Variants in P2RY8 observed in about 807,000 individuals in gnomAD.
P2RY8 encodes the protein S-geranylgeranyl-glutathione receptor P2RY8.
A neutral mutation model predicts 10.0 loss-of-function variants in P2RY8; 6 were observed. The ratio of observed to expected loss-of-function variants is 0.60; its 90% CI spans 0.33 to 1.19. The LOEUF (loss-of-function observed/expected upper bound fraction) is 1.19. Ranked by LOEUF, P2RY8 falls within the 50% of genes most tolerant of loss-of-function variation. The probability of loss-of-function intolerance (pLI) is 0.04; values close to 1 mark genes in which losing one functional copy is unlikely to be tolerated. For synonymous variants in P2RY8, 276 were observed against 252.5 expected, an observed-to-expected ratio of 1.09 and a Z score of -0.88; for missense variants, 456 against 542.0, an observed-to-expected ratio of 0.84 and a Z score of 1.58.
chrX:1,496,146 G>A (rs183206919), intron 1 of P2RY8, among the ~76,000 whole-genome samples: 552 of 152,286 alleles, frequency 3.6e-3, no homozygotes, highest in Non-Finnish European at 5.5e-3. Flanking sequence ...GAAGGCAGAC[G>A]TCAGAGATGC....
rs2091668610 is a variant in P2RY8, at chrX:1,466,015, T to G, written c.544A>C (p.Thr182Pro). The change falls in exon 2 of 2, where the codon ACG (threonine) becomes CCG (proline). Residue 182 changes from threonine (T) to proline (P), a missense_variant. Coordinates refer to ENST00000381297, the MANE Select transcript of P2RY8 (RefSeq NM_178129.5). Reference protein sequence around the residue: ...IITCFDVLKWTMLPSVAMWAV... With the variant: ...IITCFDVLKWPMLPSVAMWAV... Reference sequence around the variant, plus strand: ...CACATGGCCACGCTGGGGAGCATCGTCCACTTGAGGACGTCGAAGCAGGTG... The same window carrying G: ...CACATGGCCACGCTGGGGAGCATCGGCCACTTGAGGACGTCGAAGCAGGTG... 3.7e-6 allele frequency: 6 copies of G among 1,612,076 alleles called. No homozygotes were observed. Among genetic ancestry groups the G allele is most frequent in the Non-Finnish European group, 5.1e-6 (6 of 1,179,746 alleles).
At chrX:1,467,045 T>G (rs2091694505) in intron 1 of P2RY8, among the ~76,000 whole-genome samples, 1 of 130,514 alleles carries the variant, frequency 7.7e-6, no homozygotes, top group African/African-American at 2.9e-5. Context: ...AGACTCAGTG[T>G]CCCCCGTGGA....
In P2RY8 at chrX:1,526,816, C is replaced by T. The variant is rs138849649; in HGVS notation, c.-25+10105G>A. ...GTTTATTCATGCATCGATGAATTCA[C>T]TCATTCATTTACCCACGCATTCATT... On this transcript the variant is annotated intron_variant, in intron 1 of 1. Transcript: ENST00000381297. Among the ~76,000 whole-genome samples the T allele has an allele frequency of 2.7e-3, 411 of 152,314 alleles. 1 individual carries two copies. Among genetic ancestry groups the T allele is most frequent in the Non-Finnish European group, 3.0e-3 (201 of 68,038 alleles).
At chrX:1,488,760 G>GTT (rs1207937580) in intron 1 of P2RY8, among the ~76,000 whole-genome samples, 1 of 151,954 alleles carries the variant, frequency 6.6e-6, no homozygotes, top group Non-Finnish European at 1.5e-5. Flanking sequence ...GTGTGTGTGT[G>GTT]TGTGATACAG....
chrX:1,479,759 A>G (rs1406621306), intron 1 of P2RY8, among the ~76,000 whole-genome samples: 5 of 152,190 alleles, frequency 3.3e-5, no homozygotes, highest in African/African-American at 1.2e-4. Context: ...TCAGGCTAAC[A>G]ACAACAAAGA....
At chrX:1,489,104 C>T (rs770200917) in intron 1 of P2RY8, among the ~76,000 whole-genome samples, 1 of 151,876 alleles carries the variant, frequency 6.6e-6, no homozygotes, top group Non-Finnish European at 1.5e-5. Context: ...ACCCAAGATT[C>T]TCTTCTGCAA....
At chrX:1,482,487 G>A (rs1275064141) in intron 1 of P2RY8, among the ~76,000 whole-genome samples, 3 of 152,088 alleles carry the variant, frequency 2.0e-5, no homozygotes, top group Non-Finnish European at 4.4e-5. Flanking sequence ...AAGGTTCGCA[G>A]GCTTGACTTC....
chrX:1,476,555 C>A (rs1481334095), intron 1 of P2RY8, among the ~76,000 whole-genome samples: 48 of 151,212 alleles, frequency 3.2e-4, no homozygotes, highest in Non-Finnish European at 6.5e-4. Context: ...CCACTGCACT[C>A]CAGCCTGGGT....
At chrX:1,510,921 G>A (rs1438893423) in intron 1 of P2RY8, among the ~76,000 whole-genome samples, 1 of 150,986 alleles carries the variant, frequency 6.6e-6, no homozygotes, top group Non-Finnish European at 1.5e-5. Context: ...GCTCCCGCCT[G>A]TAATCCCAAC....
At chrX:1,494,695 A>G (rs1237230879) in intron 1 of P2RY8, among the ~76,000 whole-genome samples, 1 of 151,996 alleles carries the variant, frequency 6.6e-6, no homozygotes, top group African/African-American at 2.4e-5. Context: ...AAAAATATGT[A>G]TGTCCATAGT....
At chrX:1,497,879 C>G (rs1431277183) in intron 1 of P2RY8, among the ~76,000 whole-genome samples, 96 of 151,978 alleles carry the variant, frequency 6.3e-4, no homozygotes, top group Non-Finnish European at 1.2e-3. Flanking sequence ...CGGGTCCTTG[C>G]CATCCAGGAA....
chrX:1,488,548 G>A (rs1297616064), intron 1 of P2RY8, among the ~76,000 whole-genome samples: 1 of 152,034 alleles, frequency 6.6e-6, no homozygotes, highest in Non-Finnish European at 1.5e-5. Flanking sequence ...CTCCTTCTTG[G>A]GGCATCAGCC....
intron 1 of P2RY8, among the ~76,000 whole-genome samples, chrX:1,522,269 TA>T (rs764412129): frequency 9.4e-4 from 136 of 145,210 alleles, no homozygotes; most frequent in South Asian, 1.7e-3. Flanking sequence ...TTTTCTCGCT[TA>T]AAAAAAAAAA....
chrX:1,491,934 G>A (rs1360280914), intron 1 of P2RY8, among the ~76,000 whole-genome samples: 1 of 152,222 alleles, frequency 6.6e-6, no homozygotes, highest in Non-Finnish European at 1.5e-5. Context: ...GAGTGAATGA[G>A]TGATGGAATG....
At chrX:1,506,554 G>A (rs1422445174) in intron 1 of P2RY8, among the ~76,000 whole-genome samples, 1 of 152,094 alleles carries the variant, frequency 6.6e-6, no homozygotes, top group Non-Finnish European at 1.5e-5. Flanking sequence ...GAGAGAGAGA[G>A]GTGTTTGGAT....
chrX:1,472,432 G>GTGGATGGA (rs372621992), intron 1 of P2RY8, among the ~76,000 whole-genome samples: 1 of 140,322 alleles, frequency 7.1e-6, no homozygotes, highest in African/African-American at 2.7e-5. Context: ...ACATGGGTGG[G>GTGGATGGA]TGGATGGATG....
At chrX:1,478,334 T>C (rs1185727451) in intron 1 of P2RY8, among the ~76,000 whole-genome samples, 3 of 150,908 alleles carry the variant, frequency 2.0e-5, no homozygotes, top group Non-Finnish European at 4.4e-5. Flanking sequence ...TCATATAAAC[T>C]AGAGAGATTG....
In P2RY8 at chrX:1,465,032, C is replaced by T. The variant is rs1388739147; in HGVS notation, c.*447G>A. The T allele has an allele frequency of 1.2e-5, 3 of 257,924 alleles. No homozygotes were observed. The highest frequency in any genetic ancestry group is 2.2e-5 in the Non-Finnish European group (3 of 133,728). 16.0% of individuals were successfully genotyped at this position (257,924 alleles called of 1,614,324 possible). A position where few individuals can be genotyped will look rare whatever the true frequency, so the allele number is the denominator to read the frequency against. On this transcript the variant is annotated 3_prime_UTR_variant, in exon 2 of 2. Coordinates refer to ENST00000381297, the MANE Select transcript of P2RY8 (RefSeq NM_178129.5). ...GGGAATGGGGCTCGCAGTTCGCCCACGGAGGATATCCAGAAACCGAGTCGG... is the reference window on the plus strand; with the variant it reads ...GGGAATGGGGCTCGCAGTTCGCCCATGGAGGATATCCAGAAACCGAGTCGG...
At chrX:1,476,287 A>G (rs1288218531) in intron 1 of P2RY8, among the ~76,000 whole-genome samples, 20 of 151,990 alleles carry the variant, frequency 1.3e-4, no homozygotes, top group African/African-American at 4.8e-4. Context: ...TTAGAAATAT[A>G]ATGGGTCGGC....
Sources: allele counts gnomAD v4.1 joint callset (sites outside exome capture counted in the v4.1 genomes callset), GRCh38; gene constraint gnomAD v4.1.1; transcripts MANE v1.5; gene names NCBI Gene and HGNC (gene_info 2026-07-23, HGNC 2026-07-21).